KCNH8: variants seen among roughly 807,000 people sequenced by gnomAD.
KCNH8 encodes the protein potassium voltage-gated channel subfamily H member 8, also known as voltage-gated delayed rectifier potassium channel KCNH8.
KCNH8 carries 70 observed loss-of-function variants against 103.6 expected under a neutral mutation model. That is an observed-to-expected ratio of 0.68 (90% CI 0.56 to 0.82). The LOEUF (loss-of-function observed/expected upper bound fraction) is 0.82. Among genes scored for constraint, KCNH8 ranks in the 40% least tolerant of loss-of-function variants. The pLI, the probability that KCNH8 is intolerant of heterozygous loss-of-function variation, is 0.00. For synonymous variants in KCNH8, 498 were observed against 489.4 expected, an observed-to-expected ratio of 1.02 and a Z score of -0.23; for missense variants, 1,217 against 1,329.9, an observed-to-expected ratio of 0.92 and a Z score of 1.32.
At chr3:19,479,633 C>A (rs561004628) in intron 11 of KCNH8, among the ~76,000 whole-genome samples, 1 of 152,120 alleles carries the variant, frequency 6.6e-6, no homozygotes, top group Non-Finnish European at 1.5e-5. Flanking sequence ...TATTTATGGG[C>A]ACCTCCAGAT....
intron 11 of KCNH8, among the ~76,000 whole-genome samples, chr3:19,462,781 C>T (rs556638709): frequency 2.0e-5 from 3 of 152,238 alleles, no homozygotes; most frequent in African/African-American, 7.2e-5. Flanking sequence ...TTAGGTCTAA[C>T]ATTTAAGTCT....
At chr3:19,471,447 C>T (rs1266693769) in intron 11 of KCNH8, among the ~76,000 whole-genome samples, 1 of 152,098 alleles carries the variant, frequency 6.6e-6, no homozygotes, top group East Asian at 1.9e-4. Context: ...CAGTGTTTGC[C>T]CTCTGTAGAG....
intron 5 of KCNH8, among the ~76,000 whole-genome samples, chr3:19,372,715 T>G (rs1172173870): frequency 2.0e-5 from 3 of 152,166 alleles, no homozygotes; most frequent in African/African-American, 7.2e-5. Flanking sequence ...TGCTTCCAGT[T>G]TTTGCCCATT....
chr3:19,483,532 A>G (rs1479763753), intron 11 of KCNH8, among the ~76,000 whole-genome samples: 1 of 152,096 alleles, frequency 6.6e-6, no homozygotes, highest in African/African-American at 2.4e-5. Flanking sequence ...CATGCTTCCT[A>G]TGGCTGTTGA....
At chr3:19,476,606 C>A (rs990654641) in intron 11 of KCNH8, among the ~76,000 whole-genome samples, 1 of 152,066 alleles carries the variant, frequency 6.6e-6, no homozygotes, top group Admixed American at 6.6e-5. Flanking sequence ...AGTGTAAATT[C>A]TTTTCACACA....
At chr3:19,362,579 A>G (rs2065960803) in intron 5 of KCNH8, among the ~76,000 whole-genome samples, 1 of 152,208 alleles carries the variant, frequency 6.6e-6, no homozygotes, top group East Asian at 1.9e-4. Flanking sequence ...GCTATAAATA[A>G]TCAATATAAC....
intron 1 of KCNH8, among the ~76,000 whole-genome samples, chr3:19,207,199 G>A (rs1383032203): frequency 6.6e-6 from 1 of 151,956 alleles, no homozygotes; most frequent in African/African-American, 2.4e-5. Flanking sequence ...CAAAGATAAT[G>A]AAGCATCAGG....
chr3:19,499,310 C>A (rs1029899307), intron 11 of KCNH8, among the ~76,000 whole-genome samples: 1 of 152,260 alleles, frequency 6.6e-6, no homozygotes. Flanking sequence ...AAATCTACGT[C>A]TGATTGATGT....
chr3:19,318,669 ACAC>A (rs1467148074), intron 3 of KCNH8, among the ~76,000 whole-genome samples: 38 of 146,094 alleles, frequency 2.6e-4, no homozygotes, highest in African/African-American at 7.7e-4. Context: ...GTGTACACAC[ACAC>A]ACACACACAC....
chr3:19,287,322 C>A (rs1333121552), intron 3 of KCNH8, among the ~76,000 whole-genome samples: 2 of 152,006 alleles, frequency 1.3e-5, no homozygotes, highest in African/African-American at 4.8e-5. Flanking sequence ...CAGATGAGGA[C>A]AGAGATGTGC....
chr3:19,185,324 G>A (rs2125205455), intron 1 of KCNH8, among the ~76,000 whole-genome samples: 1 of 151,980 alleles, frequency 6.6e-6, no homozygotes, highest in Middle Eastern at 3.4e-3. Flanking sequence ...TCAGGTGAGT[G>A]TATAGTGTTA....
chr3:19,170,887 C>T (rs2063342273), intron 1 of KCNH8, among the ~76,000 whole-genome samples: 1 of 148,830 alleles, frequency 6.7e-6, no homozygotes, highest in African/African-American at 2.5e-5. Context: ...TATCGGCTCA[C>T]TGCAAGCTCC....
intron 11 of KCNH8, among the ~76,000 whole-genome samples, chr3:19,468,731 T>C (rs1221170216): frequency 1.3e-5 from 2 of 152,340 alleles, no homozygotes; most frequent in East Asian, 3.9e-4. Flanking sequence ...TTACGTCTAC[T>C]TGAACCTCTT....
chr3:19,236,031 G>GTATA (rs958896538), intron 1 of KCNH8, among the ~76,000 whole-genome samples: 1 of 152,178 alleles, frequency 6.6e-6, no homozygotes, highest in Admixed American at 6.5e-5. Flanking sequence ...GTAACTGTGT[G>GTATA]TATATAGTTT....
chr3:19,506,854 C>T lies in KCNH8; in HGVS notation c.2041-3509C>T, dbSNP rs115599786. On this transcript the variant is annotated intron_variant, in intron 11 of 15. Transcript: ENST00000328405. Reference sequence around the variant, plus strand: ...TGGGGGCACCCTACCTGATAACAAGCAGGGAGGGTACATAGGTCACAGAGT... The same window carrying T: ...TGGGGGCACCCTACCTGATAACAAGTAGGGAGGGTACATAGGTCACAGAGT... 5.5e-3 allele frequency among the ~76,000 whole-genome samples: 836 copies of T among 152,108 alleles called. 6 individuals carry two copies. Among genetic ancestry groups the T allele is most frequent in the Non-Finnish European group, 9.2e-3 (623 of 67,962 alleles).
At chr3:19,247,169 C>CT (rs944295386) in intron 1 of KCNH8, among the ~76,000 whole-genome samples, 5 of 152,108 alleles carry the variant, frequency 3.3e-5, no homozygotes, top group East Asian at 1.9e-4. Context: ...TATGAGAAAT[C>CT]TTTTTTACAA....
intron 1 of KCNH8, among the ~76,000 whole-genome samples, chr3:19,149,245 C>G (rs1051211449): frequency 4.6e-5 from 7 of 152,018 alleles, no homozygotes; most frequent in African/African-American, 1.7e-4. Context: ...GTATGATTTT[C>G]TATCTGAGTT....
At chr3:19,361,492 T>A (rs1184314044) in intron 5 of KCNH8, among the ~76,000 whole-genome samples, 1 of 152,132 alleles carries the variant, frequency 6.6e-6, no homozygotes, top group Non-Finnish European at 1.5e-5. Flanking sequence ...TTGAGGTTAT[T>A]TCCTACATCC....
intron 7 of KCNH8, among the ~76,000 whole-genome samples, chr3:19,406,331 T>G (rs1424589677): frequency 6.6e-6 from 1 of 152,146 alleles, no homozygotes; most frequent in South Asian, 2.1e-4. Flanking sequence ...AGCCATGAAC[T>G]TTCAATTTTG....
Sources: gnomAD v4.1 joint callset for allele counts (sites outside exome capture counted in the v4.1 genomes callset) on GRCh38, gnomAD v4.1.1 for gene constraint, MANE v1.5 for transcripts, NCBI Gene and HGNC (gene_info 2026-07-23, HGNC 2026-07-21) for gene names.